The following MMRN2 variants were observed in gnomAD, a reference collection of about 807,000 sequenced individuals.
MMRN2 encodes multimerin-2.
MMRN2 carries 53 observed loss-of-function variants against 68.8 expected under a neutral mutation model. The ratio of observed to expected loss-of-function variants is 0.77; its 90% CI spans 0.62 to 0.97. The LOEUF (loss-of-function observed/expected upper bound fraction) is 0.97. Ranked by LOEUF, MMRN2 falls within the 50% of genes least tolerant of loss-of-function variation. The probability of loss-of-function intolerance (pLI) is 0.00; values close to 1 mark genes in which losing one functional copy is unlikely to be tolerated. For missense variants in MMRN2, 1,266 were observed against 1,259.5 expected, an observed-to-expected ratio of 1.01 and a Z score of -0.08; for synonymous variants, 564 against 551.6, an observed-to-expected ratio of 1.02 and a Z score of -0.32.
At position 86,942,563 on chromosome 10, in the gene MMRN2, G is replaced by A; in HGVS notation, c.2221C>T (p.Gln741Ter). Residue 741 changes from glutamine (Q) to a stop codon, truncating the protein, a stop_gained, in exon 6 of 7, where the codon CAG (glutamine) becomes TAG (stop). Coordinates refer to ENST00000372027, the MANE Select transcript of MMRN2 (RefSeq NM_024756.3). LOFTEE classifies it high-confidence loss of function. ...CGCTGGTGCTGCTCCAAGCTGCGCT[G>A]AGTGGCGAAGAGTGCGTTGTGGAGG... ...HGLHNALFATQRSLEQHQRLF... is the reference protein window; with the variant it reads ...HGLHNALFAT The A allele has an allele frequency of 1.2e-6, 2 of 1,612,746 alleles. No homozygotes were observed. Among genetic ancestry groups the A allele is most frequent in the Non-Finnish European group, 1.7e-6 (2 of 1,179,934 alleles).
In MMRN2 at chr10:86,936,776, A is replaced by G. The variant is rs1382333896; in HGVS notation, c.2817T>C (p.Thr939=). Residue 939 remains threonine, a synonymous_variant, in exon 7 of 7, where the codon ACT becomes ACC. Transcript: ENST00000372027. ...GSITKRSLSG[T]AFGGFLMFKT ...TAAACATCAGGAAGCCCCCAAATGC[A>G]GTGCCCGACAGGCTTCTCTTTGTTA... is the stretch of plus-strand genomic sequence containing the variant. 6 of 1,614,098 alleles carry G rather than the reference A, an allele frequency of 3.7e-6. No individual in the cohort carries two copies. Among genetic ancestry groups the G allele is most frequent in the Non-Finnish European group, 5.1e-6 (6 of 1,180,040 alleles).
rs1843996480 is a variant in MMRN2, at chr10:86,942,872, G to A, written c.1912C>T (p.Arg638Cys). Residue 638 changes from arginine to cysteine, a missense_variant, in exon 6 of 7, where the codon CGC (arginine) becomes TGC (cysteine). Transcript: ENST00000372027. ...GPLPLSYEQI[R>C]VALQDAASGL... ...CTAGCGGCGTCCTGCAGGGCCACGC[G>A]GATCTGCTCGTAGCTCAGGGGCAGC... 7.0e-7 allele frequency: 1 copy of A among 1,427,884 alleles called. No individual in the cohort carries two copies. The highest frequency in any genetic ancestry group is 9.2e-7 in the Non-Finnish European group (1 of 1,090,178). The allele number at this position is 1,427,884 out of a possible 1,614,324, so 88.5% of individuals were successfully genotyped here.
chr10:86,943,780 G>C lies in MMRN2; in HGVS notation c.1004C>G (p.Thr335Ser). Residue 335 changes from threonine (T) to serine (S), a missense_variant, in exon 6 of 7, where the codon ACC becomes AGC. Physicochemically the swap from Thr to Ser is moderately conservative, Grantham distance 58 (BLOSUM62 1). Coordinates refer to ENST00000372027, the MANE Select transcript of MMRN2 (RefSeq NM_024756.3). The surrounding 1 kb of genome is among the most constrained non-coding windows in gnomAD (Gnocchi z 4.2). ...AGCCTTGTGCAGCCTCTTCAATTTG[G>C]TGTCCACATCGGCTTGGAGCTCTGA... ...SISELQADVD[T>S]KLKRLHKAQE... 6.2e-7 allele frequency: 1 copy of C among 1,608,886 alleles called. No homozygotes were observed. Among genetic ancestry groups the C allele is most frequent in the Non-Finnish European group, 8.5e-7 (1 of 1,179,918 alleles).
rs761696693 is a variant in MMRN2, at chr10:86,945,744, G to A, written c.165-55C>T. On this transcript the variant is annotated intron_variant, in intron 1 of 6. Coordinates refer to ENST00000372027, the MANE Select transcript of MMRN2 (RefSeq NM_024756.3). Reference sequence around the variant, plus strand: ...TGAGCCACACCCAGGTCAACAGGGGGTGCCAGTGCAGAGCCACCGGTCCTC... The same window carrying A: ...TGAGCCACACCCAGGTCAACAGGGGATGCCAGTGCAGAGCCACCGGTCCTC... 10 of 1,611,608 alleles carry A rather than the reference G, an allele frequency of 6.2e-6. No individual in the cohort carries two copies. In the South Asian group the frequency reaches 1.1e-4, roughly 18 times the overall value.
In MMRN2 at chr10:86,943,683, G is replaced by C. The variant is rs750115078; in HGVS notation, c.1101C>G (p.Asp367Glu). Residue 367 changes from aspartate (D) to glutamate (E), a missense_variant, in exon 6 of 7, where the codon GAC (aspartate) becomes GAG (glutamate). Coordinates refer to ENST00000372027, the MANE Select transcript of MMRN2 (RefSeq NM_024756.3). This position sits in a 1 kb window ranked among gnomAD's most constrained non-coding sequence, Gnocchi z 4.2. Reference protein sequence around the residue: ...TPGAGARPEPDSLQARLGQLQ... With the variant: ...TPGAGARPEPESLQARLGQLQ... ...GCTGGCCCAGCCTGGCCTGCAGGCT[G>C]TCCGGCTCAGGCCTTGCCCCAGCCC... The C allele has an allele frequency of 2.5e-6, 4 of 1,611,046 alleles. No individual in the cohort carries two copies. Among genetic ancestry groups the C allele is most frequent in the Non-Finnish European group, 3.4e-6 (4 of 1,179,998 alleles).
chr10:86,947,679 A>ATTTCCCCT (rs2133682588), intron 1 of MMRN2, among the ~76,000 whole-genome samples: 1 of 152,118 alleles, frequency 6.6e-6, no homozygotes, highest in African/African-American at 2.4e-5. Context: ...CCGAGTGACC[A>ATTTCCCCT]TATTTTGAGT....
At chr10:86,947,294 C>T (rs4281405) in intron 1 of MMRN2, among the ~76,000 whole-genome samples, 66,044 of 151,836 alleles carry the variant, frequency 0.43, 15,178 homozygotes, top group East Asian at 0.7. Context: ...TCTCTGGAGC[C>T]GGTCTTTGTC....
intron 6 of MMRN2, among the ~76,000 whole-genome samples, chr10:86,937,685 G>A (rs571003879): frequency 1.3e-5 from 2 of 152,268 alleles, no homozygotes; most frequent in Non-Finnish European, 2.9e-5. Flanking sequence ...GCTGCCCAAG[G>A]CTACATGGTT....
intron 6 of MMRN2, among the ~76,000 whole-genome samples, chr10:86,940,506 G>A (rs556324569): frequency 2.3e-4 from 35 of 152,334 alleles, no homozygotes; most frequent in African/African-American, 7.5e-4. Flanking sequence ...ATGGGAAAAC[G>A]TTGACTGCGT....
Position 86,943,238 on chromosome 10 carries a change from C to G in MMRN2, c.1546G>C (p.Glu516Gln). The G allele has an allele frequency of 6.2e-7, 1 of 1,612,240 alleles. No individual in the cohort carries two copies. Among genetic ancestry groups the G allele is most frequent in the Non-Finnish European group, 8.5e-7 (1 of 1,179,212 alleles). Residue 516 changes from glutamate (E) to glutamine (Q), a missense_variant, in exon 6 of 7, where the codon GAG becomes CAG. Physicochemically the swap from Glu to Gln is conservative, Grantham distance 29. Transcript: ENST00000372027. The surrounding 1 kb of genome is among the most constrained non-coding windows in gnomAD (Gnocchi z 4.2). ...TCGTCCAGGCTCACCTGGGTCTCCT[C>G]CAGGGCACGCGTGGCGTCCCTCTGG... ...EGQRDATRALEETQVSLDERR... is the reference protein window; with the variant it reads ...EGQRDATRALQETQVSLDERR...
rs559007063 is a variant in MMRN2 at position 86,936,389 on chromosome 10, T to G, written c.*354A>C. The G allele has an allele frequency of 4.0e-5, 18 of 453,388 alleles. No individual in the cohort carries two copies. In the South Asian group the frequency reaches 8.9e-4, roughly 22 times the overall value. 28.1% of individuals were successfully genotyped at this position (453,388 alleles called of 1,614,324 possible). On this transcript the variant is annotated 3_prime_UTR_variant, in exon 7 of 7. Transcript: ENST00000372027. ...GGAAGCAAGAGAAAAGTTTAAAGTG[T>G]TGTACAGAAGTTTCCAACCACAGGA...
chr10:86,944,174 C>G (rs768415166), intron 5 of MMRN2, 46 bp from the exon 6 acceptor site: 1 of 1,597,934 alleles, frequency 6.3e-7, no homozygotes. Flanking sequence ...GGAGCAGACA[C>G]TCCTCCCAGG....
In MMRN2 at chr10:86,943,619, G is replaced by A. The variant is rs779507287; in HGVS notation, c.1165C>T (p.Arg389Cys). The A allele has an allele frequency of 1.2e-6, 2 of 1,613,784 alleles. No homozygotes were observed. Among genetic ancestry groups the A allele is most frequent in the Non-Finnish European group, 1.7e-6 (2 of 1,180,008 alleles). The part of the protein sequence containing the change: ...NLSELHMTTA[R>C]REEELQYTLE... The stretch of plus-strand genomic sequence containing the variant: ...GTGTACTGCAACTCCTCCTCCCTGC[G>A]GGCCGTGGTCATGTGCAGCTCTGAG... Residue 389 changes from arginine to cysteine, a missense_variant, in exon 6 of 7, where the codon CGC becomes TGC. Transcript: ENST00000372027. This position sits in a 1 kb window ranked among gnomAD's most constrained non-coding sequence, Gnocchi z 4.2.
intron 6 of MMRN2, among the ~76,000 whole-genome samples, chr10:86,938,832 TAGAC>T (rs1843915186): frequency 6.6e-6 from 1 of 152,250 alleles, no homozygotes; most frequent in Non-Finnish European, 1.5e-5. Context: ...TTCTGAGAAT[TAGAC>T]AGCTGAGAAT....
At chr10:86,956,516 A>G (rs918549135) in intron 1 of MMRN2, among the ~76,000 whole-genome samples, 1 of 152,142 alleles carries the variant, frequency 6.6e-6, no homozygotes, top group African/African-American at 2.4e-5. Context: ...TGGAGGTAGG[A>G]GCATCTGGGG....
In MMRN2 at chr10:86,957,424, C is replaced by T. The variant is rs1402935604; in HGVS notation, c.118G>A (p.Val40Ile). 5 of 1,613,518 alleles carry T rather than the reference C, an allele frequency of 3.1e-6. No individual in the cohort carries two copies. Among genetic ancestry groups the T allele is most frequent in the East Asian group, 2.2e-5 (1 of 44,892 alleles). Residue 40 changes from valine to isoleucine, a missense_variant, in exon 1 of 7, where the codon GTC becomes ATC. By Grantham distance (29) the Val-to-Ile change is conservative. Coordinates refer to ENST00000372027, the MANE Select transcript of MMRN2 (RefSeq NM_024756.3). ...GTGTCCTCAGCCTCTGCCTTCCAGA[C>T]CCCAGGTGTCCTGGAGCTCTGCAGA... ...SDLQSSRTPG[V>I]WKAEAEDTGK...
intron 1 of MMRN2, among the ~76,000 whole-genome samples, chr10:86,950,426 C>T (rs1844130506): frequency 6.6e-6 from 1 of 152,188 alleles, no homozygotes; most frequent in South Asian, 2.1e-4. Flanking sequence ...CATTTTAAGG[C>T]TCTCTGGGTA....
Position 86,943,523 on chromosome 10 carries a change from C to G in MMRN2, c.1261G>C (p.Glu421Gln). The G allele has an allele frequency of 6.2e-7, 1 of 1,614,242 alleles. No individual in the cohort carries two copies. The highest frequency in any genetic ancestry group is 8.5e-7 in the Non-Finnish European group (1 of 1,180,048). The change falls in exon 6 of 7, where the codon GAG becomes CAG. Residue 421 changes from glutamate to glutamine, a missense_variant. Glu to Gln is a conservative substitution (Grantham distance 29, BLOSUM62 2). Transcript: ENST00000372027. The surrounding 1 kb of genome is among the most constrained non-coding windows in gnomAD (Gnocchi z 4.2). ...ACCTTGCTAATCTGATCGAAAGTCT[C>G]GTCCGATTCGGAGTACAGTTCCTTG... is the stretch of plus-strand genomic sequence containing the variant. Reference protein sequence around the residue: ...EIKELYSESDETFDQISKVER... With the variant: ...EIKELYSESDQTFDQISKVER...
intron 1 of MMRN2, among the ~76,000 whole-genome samples, chr10:86,947,831 G>A (rs1337258090): frequency 6.6e-6 from 1 of 152,154 alleles, no homozygotes; most frequent in Non-Finnish European, 1.5e-5. Context: ...AAGATCCTAT[G>A]ACAAAATGGG....
Sources: gnomAD v4.1 joint callset for allele counts (sites outside exome capture counted in the v4.1 genomes callset) on GRCh38, gnomAD v4.1.1 for gene constraint, Gnocchi (gnomAD v3.1) non-coding constraint, MANE v1.5 for transcripts, NCBI Gene and HGNC (gene_info 2026-07-23, HGNC 2026-07-21) for gene names.